EBF2: variants seen among roughly 807,000 people sequenced by gnomAD.
EBF2 encodes transcription factor COE2.
A neutral mutation model predicts 72.8 loss-of-function variants in EBF2; 21 were observed. The ratio of observed to expected loss-of-function variants is 0.29; its 90% confidence interval spans 0.20 to 0.42. EBF2 has a LOEUF of 0.42. Among genes scored for constraint, EBF2 ranks in the 10% least tolerant of loss-of-function variants. The pLI, the probability that EBF2 is intolerant of heterozygous loss-of-function variation, is 1.00. For missense variants in EBF2, 637 were observed against 731.2 expected (o/e 0.87, Z 1.49); for synonymous variants, 299 against 274.2 (o/e 1.09, Z -0.89).
intron 15 of EBF2, among the ~76,000 whole-genome samples, chr8:25,846,370 G>A (rs923250496): frequency 6.6e-6 from 1 of 152,112 alleles, no homozygotes; most frequent in South Asian, 2.1e-4. Flanking sequence ...TGTATGTGGA[G>A]CTCTCTGGCA....
At position 25,845,459 on chromosome 8, in the gene EBF2, CA is replaced by C. The variant is rs564624271; in HGVS notation, c.1697-820del. Among the ~76,000 whole-genome samples the C allele has an allele frequency of 1.8e-3, 267 of 152,324 alleles. 2 individuals carry two copies. Among genetic ancestry groups the C allele is most frequent in the African/African-American group, 5.8e-3 (243 of 41,574 alleles). On this transcript the variant is annotated intron_variant, in intron 15 of 15. Transcript: ENST00000520164. The stretch of plus-strand genomic sequence containing the variant: ...CAGGCTGGTCTTGAACTCCTGGCCT[CA>C]GGTGATCCACCCACCTCAGCCTCCC...
chr8:26,041,041 G>A (rs1019448289), intron 2 of EBF2, 39 bp from the exon 3 acceptor site: 7 of 1,610,554 alleles, frequency 4.3e-6, no homozygotes, highest in African/African-American at 4.0e-5. Flanking sequence ...TTGCCTTTCA[G>A]CCCCCCAAAA....
chr8:25,971,111 A>C (rs573036581), intron 6 of EBF2, among the ~76,000 whole-genome samples: 2 of 152,332 alleles, frequency 1.3e-5, no homozygotes, highest in South Asian at 4.1e-4. Context: ...CTGGGATTAC[A>C]GGCATGAGCC....
At chr8:25,915,276 G>A (rs527908920) in intron 6 of EBF2, among the ~76,000 whole-genome samples, 9 of 150,868 alleles carry the variant, frequency 6.0e-5, no homozygotes, top group South Asian at 2.1e-4. Context: ...GCTTGGCCAA[G>A]CTTTGGAAAA....
chr8:25,920,124 C>T (rs1188065260), intron 6 of EBF2, among the ~76,000 whole-genome samples: 2 of 151,840 alleles, frequency 1.3e-5, no homozygotes, highest in Non-Finnish European at 2.9e-5. Flanking sequence ...TAATAAGAGG[C>T]CAAAATTATT....
At chr8:25,949,804 C>A (rs920892687) in intron 6 of EBF2, among the ~76,000 whole-genome samples, 4 of 152,136 alleles carry the variant, frequency 2.6e-5, no homozygotes, top group African/African-American at 9.7e-5. Context: ...CTTGGGGAGG[C>A]AGTCAGGAAA....
rs1295944090 is a variant in EBF2, at chr8:26,033,144, G to A, written c.492C>T (p.Cys164=). ...LTHEVMCSRC[C]EKKSCGNRNE... is the part of the protein sequence containing the mutation. ...TTCGGTTTCCACAGCTTTTCTTTTC[G>A]CAGCATCGACTGTAGATTGGGAAGG... The change falls in exon 6 of 16, where the codon TGC becomes TGT. Residue 164 remains cysteine, a synonymous_variant. Coordinates refer to ENST00000520164, the MANE Select transcript of EBF2 (RefSeq NM_022659.4). 31 of 1,614,008 alleles carry A rather than the reference G, an allele frequency of 1.9e-5. No homozygotes were observed. The highest frequency in any genetic ancestry group is 6.7e-5 in the African/African-American group (5 of 74,998).
chr8:26,042,087 C>A lies in EBF2; in HGVS notation c.288+8G>T. The A allele has an allele frequency of 6.2e-7, 1 of 1,612,978 alleles. No homozygotes were observed. Among genetic ancestry groups the A allele is most frequent in the African/African-American group, 1.3e-5 (1 of 75,024 alleles). ...GGCCGCGGGGTTTGGGGGGTACTTT[C>A]CGCTTACTTTGTCATTCTCCACAAA... On this transcript the variant is annotated splice_region_variant and intron_variant, in intron 2 of 15. Transcript: ENST00000520164.
intron 6 of EBF2, among the ~76,000 whole-genome samples, chr8:26,015,102 C>T (rs913649190): frequency 3.3e-5 from 5 of 152,062 alleles, no homozygotes; most frequent in Admixed American, 6.5e-5. Flanking sequence ...TGTGGACCCC[C>T]GATAGAAACT....
chr8:25,879,478 G>A (rs1194842589), intron 10 of EBF2, among the ~76,000 whole-genome samples: 1 of 152,118 alleles, frequency 6.6e-6, no homozygotes, highest in Non-Finnish European at 1.5e-5. Context: ...TTACATTCCT[G>A]CAGTAGTATC....
intron 15 of EBF2, 117 bp downstream of exon 15, chr8:25,850,477 A>G: frequency 8.0e-7 from 1 of 1,245,456 alleles, no homozygotes. Flanking sequence ...CATGATAAGA[A>G]CAGCAAAGCA....
At chr8:25,986,270 C>T (rs987014516) in intron 6 of EBF2, among the ~76,000 whole-genome samples, 14 of 152,090 alleles carry the variant, frequency 9.2e-5, no homozygotes, top group African/African-American at 3.4e-4. Flanking sequence ...TGCTTAAATT[C>T]TACCATATTC....
chr8:26,007,146 T>C (rs1804895787), intron 6 of EBF2, among the ~76,000 whole-genome samples: 3 of 152,206 alleles, frequency 2.0e-5, no homozygotes, highest in South Asian at 2.1e-4. Flanking sequence ...TGGAGCCATG[T>C]TGCTTCAGTG....
chr8:25,938,866 C>G (rs905244214), intron 6 of EBF2, among the ~76,000 whole-genome samples: 2 of 151,996 alleles, frequency 1.3e-5, no homozygotes, highest in African/African-American at 4.8e-5. Context: ...CACCTGCACA[C>G]CTCTCTCTCT....
At chr8:26,002,473 T>C (rs1399413222) in intron 6 of EBF2, among the ~76,000 whole-genome samples, 4 of 152,242 alleles carry the variant, frequency 2.6e-5, no homozygotes, top group Non-Finnish European at 5.9e-5. Context: ...ACAAGGTGTG[T>C]AAATTATGAC....
At chr8:25,967,099 C>T (rs570560582) in intron 6 of EBF2, among the ~76,000 whole-genome samples, 2 of 152,264 alleles carry the variant, frequency 1.3e-5, no homozygotes, top group East Asian at 3.9e-4. Flanking sequence ...GCAGATGGGT[C>T]TATGTATTTG....
chr8:25,948,662 A>G (rs1689918664), intron 6 of EBF2, among the ~76,000 whole-genome samples: 1 of 152,222 alleles, frequency 6.6e-6, no homozygotes, highest in Non-Finnish European at 1.5e-5. Context: ...ACAGAACAGA[A>G]CCATGACTCA....
In EBF2 at chr8:25,858,437, A is replaced by G. The variant is rs762856370; in HGVS notation, c.1410T>C (p.Ser470=). 2.4e-5 allele frequency: 38 copies of G among 1,613,990 alleles called. No individual in the cohort carries two copies. Among genetic ancestry groups the G allele is most frequent in the Non-Finnish European group, 2.0e-5 (24 of 1,180,020 alleles). ...TACTGTTGCTGGAGGTACTGTAATT[A>G]GACTGTTGAGGCGTGGAGCTGGAAG... ...GYSSSSTPQQ[S]NYSTSSNSMN... Residue 470 remains serine, a synonymous_variant, in exon 14 of 16, where the codon TCT becomes TCC. Coordinates refer to ENST00000520164, the MANE Select transcript of EBF2 (RefSeq NM_022659.4).
chr8:26,006,794 C>A (rs1309558114), intron 6 of EBF2, among the ~76,000 whole-genome samples: 1 of 152,206 alleles, frequency 6.6e-6, no homozygotes, highest in Non-Finnish European at 1.5e-5. Context: ...TATTCCTCTT[C>A]AGAACCACTG....
Sources: gnomAD v4.1 joint callset for allele counts (sites outside exome capture counted in the v4.1 genomes callset) on GRCh38, gnomAD v4.1.1 for gene constraint, MANE v1.5 for transcripts, NCBI Gene and HGNC (gene_info 2026-07-23, HGNC 2026-07-21) for gene names.